The following PRR15L variants were observed in gnomAD, a reference collection of about 807,000 sequenced individuals.
PRR15L encodes proline-rich protein 15-like protein.
PRR15L carries 1 observed loss-of-function variant against 3.7 expected under a neutral mutation model. The ratio of observed to expected loss-of-function variants is 0.27; its 90% confidence interval spans 0.09 to 1.27. The LOEUF is 1.27. Ranked by LOEUF, PRR15L falls within the 50% of genes most tolerant of loss-of-function variation. The probability of loss-of-function intolerance (pLI) is 0.47; values close to 1 mark genes in which losing one functional copy is unlikely to be tolerated. For missense variants in PRR15L, 127 were observed against 128.7 expected (o/e 0.99, Z 0.06); for synonymous variants, 57 against 51.9 (o/e 1.10, Z -0.42).
chr17:47,954,816 C>T (rs924814188), intron 1 of PRR15L, among the ~76,000 whole-genome samples: 5 of 152,106 alleles, frequency 3.3e-5, no homozygotes, highest in African/African-American at 9.7e-5. Context: ...GGAAGGAAGG[C>T]GCAGCCAGTG....
intron 1 of PRR15L, among the ~76,000 whole-genome samples, chr17:47,957,089 C>T (rs548680565): frequency 3.9e-5 from 6 of 152,378 alleles, no homozygotes; most frequent in African/African-American, 1.2e-4. Context: ...TGGTGGCCAG[C>T]GCTATAGCAT....
intron 1 of PRR15L, among the ~76,000 whole-genome samples, chr17:47,956,463 C>T (rs1268083044): frequency 1.3e-5 from 2 of 152,160 alleles, no homozygotes; most frequent in Non-Finnish European, 2.9e-5. Flanking sequence ...CACAGTGAGA[C>T]TCTTTTCTCA....
chr17:47,953,365 A>C, intron 1 of PRR15L, 102 bp from the exon 2 acceptor site: 1 of 726,354 alleles, frequency 1.4e-6, no homozygotes, highest in Non-Finnish European at 2.3e-6. Context: ...CTGTTTTAAG[A>C]ATTAAATAAA....
At chr17:47,956,845 G>A (rs1379898177) in intron 1 of PRR15L, among the ~76,000 whole-genome samples, 2 of 152,254 alleles carry the variant, frequency 1.3e-5, no homozygotes, top group African/African-American at 2.4e-5. Context: ...GGGGAGTGGG[G>A]GCAGGTGCTT....
At chr17:47,956,358 G>A (rs1567717901) in intron 1 of PRR15L, among the ~76,000 whole-genome samples, 1 of 152,224 alleles carries the variant, frequency 6.6e-6, no homozygotes, top group Non-Finnish European at 1.5e-5. Flanking sequence ...TGTAGTCCCA[G>A]CTACTCGGGA....
intron 1 of PRR15L, among the ~76,000 whole-genome samples, chr17:47,956,570 T>C (rs1191239021): frequency 1.3e-5 from 2 of 152,180 alleles, no homozygotes; most frequent in Admixed American, 6.5e-5. Context: ...AGCAGGTGTT[T>C]GCCCCATTAG....
intron 1 of PRR15L, 42 bp from the exon 2 acceptor site, chr17:47,953,305 A>C: frequency 3.1e-6 from 4 of 1,284,374 alleles, no homozygotes; most frequent in East Asian, 2.3e-5. Context: ...TCAGTGGGAA[A>C]AGGGGGTGGG....
rs974815178 is a variant in PRR15L, at chr17:47,952,719, G to A, written c.*204C>T. On this transcript the variant is annotated 3_prime_UTR_variant, in exon 2 of 2. Transcript: ENST00000300557. ...GAGTGCCTTTGTATGTGGTCAGGGG[G>A]AGGGTGGAGGACCCTGGGATCTCCC... 9 of 525,732 alleles carry A rather than the reference G, an allele frequency of 1.7e-5. No individual in the cohort carries two copies. The highest frequency in any genetic ancestry group is 6.4e-5 in the Admixed American group (2 of 31,170). 32.6% of individuals were successfully genotyped at this position (525,732 alleles called of 1,614,324 possible). A position where few individuals can be genotyped will look rare whatever the true frequency, so the allele number is the denominator to read the frequency against.
Position 47,952,184 on chromosome 17 carries a change from G to T in PRR15L, c.*739C>A, listed in dbSNP as rs1195471584. The T allele has an allele frequency of 6.6e-6, 1 of 152,156 alleles. No individual in the cohort carries two copies. The highest frequency in any genetic ancestry group is 6.5e-5 in the Admixed American group (1 of 15,282). The allele number at this position is 152,156 out of a possible 1,614,324, so 9.4% of individuals were successfully genotyped here. A position where few individuals can be genotyped will look rare whatever the true frequency, so the allele number is the denominator to read the frequency against. Reference sequence around the variant, plus strand: ...TCTTAAATACTATTATAGTAGGAAAGGGAGAGGAGAAAATTCCCCACCCAC... The same window carrying T: ...TCTTAAATACTATTATAGTAGGAAATGGAGAGGAGAAAATTCCCCACCCAC... On this transcript the variant is annotated 3_prime_UTR_variant, in exon 2 of 2. Coordinates refer to ENST00000300557, the MANE Select transcript of PRR15L (RefSeq NM_024320.4).
intron 1 of PRR15L, among the ~76,000 whole-genome samples, chr17:47,956,547 G>A (rs969446796): frequency 6.6e-6 from 1 of 152,184 alleles, no homozygotes; most frequent in Admixed American, 6.5e-5. Context: ...AGGAGGACAT[G>A]TGGGGACCAG....
intron 1 of PRR15L, among the ~76,000 whole-genome samples, chr17:47,954,349 C>T (rs529394323): frequency 7.4e-4 from 113 of 152,286 alleles, no homozygotes; most frequent in African/African-American, 2.4e-3. Context: ...GTAAAACTTA[C>T]GATAATGGGA....
Position 47,953,026 on chromosome 17 carries a change from AC to A in PRR15L, c.208del (p.Val70SerfsTer13), listed in dbSNP as rs1344103293. The A allele has an allele frequency of 4.3e-6, 7 of 1,613,810 alleles. No individual in the cohort carries two copies. Among genetic ancestry groups the A allele is most frequent in the Non-Finnish European group, 5.1e-6 (6 of 1,179,980 alleles). ...DKSTKGKHVK[V>X]SNSGRFKEKK... ...CTCCTTGAAGCGTCCTGAGTTGGAG[AC>A]CTTGACGTGCTTGCCCTTTGTGCTC... On this transcript the variant is annotated frameshift_variant, in exon 2 of 2. Coordinates refer to ENST00000300557, the MANE Select transcript of PRR15L (RefSeq NM_024320.4). LOFTEE classifies it high-confidence loss of function.
rs149749726 is a variant in PRR15L at position 47,954,501 on chromosome 17, G to C, written c.-29-1238C>G. Among the ~76,000 whole-genome samples the C allele has an allele frequency of 4.5e-3, 692 of 152,358 alleles. 6 individuals are homozygous for C. Among genetic ancestry groups the C allele is most frequent in the African/African-American group, 0.016 (649 of 41,584 alleles). On this transcript the variant is annotated intron_variant, in intron 1 of 1. Transcript: ENST00000300557. ...TGGTCATCACAGGTTGTACCTTGCAGGGTGGGGCTTGGGGCTGAAATCCAG... is the reference window on the plus strand; with the variant it reads ...TGGTCATCACAGGTTGTACCTTGCACGGTGGGGCTTGGGGCTGAAATCCAG...
intron 1 of PRR15L, among the ~76,000 whole-genome samples, chr17:47,957,273 G>A (rs551476867): frequency 6.6e-6 from 1 of 152,354 alleles, no homozygotes; most frequent in Admixed American, 6.5e-5. Context: ...CAGCTAATAT[G>A]TTGTAAGACA....
chr17:47,954,782 A>C (rs950138067), intron 1 of PRR15L, among the ~76,000 whole-genome samples: 3 of 151,820 alleles, frequency 2.0e-5, no homozygotes, highest in African/African-American at 7.3e-5. Flanking sequence ...CAGGATGCCT[A>C]GCTGCCGGCT....
At chr17:47,957,129 C>T (rs1449462719) in intron 1 of PRR15L, among the ~76,000 whole-genome samples, 1 of 152,250 alleles carries the variant, frequency 6.6e-6, no homozygotes, top group Non-Finnish European at 1.5e-5. Flanking sequence ...GAGGCCCCTC[C>T]ATACCAGCTG....
chr17:47,957,217 C>G (rs1306240524), intron 1 of PRR15L, among the ~76,000 whole-genome samples: 1 of 152,224 alleles, frequency 6.6e-6, no homozygotes, highest in Non-Finnish European at 1.5e-5. Context: ...TAACCATTGA[C>G]TGGGGCAGAG....
chr17:47,957,564 T>C (rs1484355972), intron 1 of PRR15L, 93 bp downstream of exon 1: 2 of 152,312 alleles, frequency 1.3e-5, no homozygotes, highest in Non-Finnish European at 2.9e-5. Context: ...GGTTCCTCTT[T>C]CCTGCTGGGC....
At chr17:47,954,324 A>G (rs2036104385) in intron 1 of PRR15L, among the ~76,000 whole-genome samples, 2 of 152,214 alleles carry the variant, frequency 1.3e-5, no homozygotes, top group African/African-American at 4.8e-5. Flanking sequence ...CACAGAGGTA[A>G]CCATGCATTG....
Sources: gnomAD v4.1 joint callset for allele counts (sites outside exome capture counted in the v4.1 genomes callset) on GRCh38, gnomAD v4.1.1 for gene constraint, MANE v1.5 for transcripts, NCBI Gene and HGNC (gene_info 2026-07-23, HGNC 2026-07-21) for gene names.